PYCR3: variants seen among roughly 807,000 people sequenced by gnomAD.
The protein encoded by PYCR3 is pyrroline-5-carboxylate reductase 3.
Under a neutral mutation model 23.4 loss-of-function variants are expected in PYCR3, and 26 were observed. The observed-to-expected ratio is 1.11, with a 90% CI of 0.81 to 1.54. PYCR3 has a LOEUF of 1.54. PYCR3 is among the 40% of genes most tolerant of loss of function. The pLI is 0.00. For synonymous variants in PYCR3, 194 were observed against 162.6 expected, an observed-to-expected ratio of 1.19 and a Z score of -1.47; for missense variants, 360 against 376.3, an observed-to-expected ratio of 0.96 and a Z score of 0.36.
Position 143,608,096 on chromosome 8 carries a change from C to G in PYCR3, c.122G>C (p.Ser41Thr). ...ACATAGGTTCCTGTCTGTTGGTGCA[C>G]TGGCCAGTATGTGCTGAGCTTCCAC... is the stretch of plus-strand genomic sequence containing the variant. The part of the protein sequence containing the change: ...GKVEAQHILA[S>T]APTDRNLCHF... The change falls in exon 2 of 6, where the codon AGT becomes ACT. Residue 41 changes from serine to threonine, a missense_variant. By Grantham distance (58) the Ser-to-Thr change is moderately conservative (BLOSUM62 1). Coordinates refer to ENST00000495276, the MANE Select transcript of PYCR3 (RefSeq NM_023078.6). 1 of 1,613,896 alleles carries G rather than the reference C, an allele frequency of 6.2e-7. No individual in the cohort carries two copies.
intron 2 of PYCR3, 63 bp downstream of exon 2, chr8:143,607,999 G>T: frequency 1.6e-6 from 2 of 1,255,902 alleles, no homozygotes; most frequent in South Asian, 1.2e-5. Context: ...TGTCTTAGTG[G>T]GACAGGAGCC....
chr8:143,605,016 C>T lies in PYCR3; in HGVS notation c.*684G>A. On this transcript the variant is annotated 3_prime_UTR_variant, in exon 6 of 6. Transcript: ENST00000495276. Reference sequence around the variant, plus strand: ...CACCCTCCCAGACCTCAAGCCACCCCACCTACCACTGCCCACCTGGTGCCA... The same window carrying T: ...CACCCTCCCAGACCTCAAGCCACCCTACCTACCACTGCCCACCTGGTGCCA... 2.2e-6 allele frequency: 1 copy of T among 456,016 alleles called. No individual in the cohort carries two copies. Among genetic ancestry groups the T allele is most frequent in the Middle Eastern group, 3.3e-4 (1 of 3,026 alleles). 28.2% of individuals were successfully genotyped at this position (456,016 alleles called of 1,614,324 possible). A position where few individuals can be genotyped will look rare whatever the true frequency, so the allele number is the denominator to read the frequency against.
chr8:143,606,856 C>G (rs544021454), intron 3 of PYCR3, 97 bp downstream of exon 3: 40 of 1,417,700 alleles, frequency 2.8e-5, no homozygotes, highest in Non-Finnish European at 3.4e-5. Context: ...GTGGGCCACA[C>G]GGCCACCTCT....
chr8:143,605,081 C>A lies in PYCR3; in HGVS notation c.*619G>T, dbSNP rs750747131. 7 of 382,862 alleles carry A rather than the reference C, an allele frequency of 1.8e-5. No homozygotes were observed. Among genetic ancestry groups the A allele is most frequent in the African/African-American group, 4.2e-5 (2 of 47,374 alleles). The allele number at this position is 382,862 out of a possible 1,614,324, so 23.7% of individuals were successfully genotyped here. On this transcript the variant is annotated 3_prime_UTR_variant, in exon 6 of 6. Coordinates refer to ENST00000495276, the MANE Select transcript of PYCR3 (RefSeq NM_023078.6). Reference sequence around the variant, plus strand: ...CAGACCTGGCCCAGCAGCTCCTGCTCCTTAGCAGGGGATGAGCACGCCCAC... The same window carrying A: ...CAGACCTGGCCCAGCAGCTCCTGCTACTTAGCAGGGGATGAGCACGCCCAC...
chr8:143,609,431 C>T (rs766271838), intron 1 of PYCR3, 27 bp downstream of exon 1: 2 of 1,485,758 alleles, frequency 1.3e-6, no homozygotes, highest in Middle Eastern at 2.3e-4. Flanking sequence ...CACTCCAGAC[C>T]GCAGGCCTAG....
chr8:143,606,557 C>T lies in PYCR3; in HGVS notation c.459G>A (p.Gln153=), dbSNP rs1235244951. ...HVGSSETKLL[Q]HLLEACGRCE... The stretch of plus-strand genomic sequence containing the variant: ...ACCGCCCACAGGCCTCCAGCAGATG[C>T]TGCAGGAGCTTGGTCTCGCTGCTCC... The change falls in exon 4 of 6, where the codon CAG becomes CAA. Residue 153 remains glutamine (Q), a synonymous_variant. Coordinates refer to ENST00000495276, the MANE Select transcript of PYCR3 (RefSeq NM_023078.6). The T allele has an allele frequency of 1.2e-6, 2 of 1,612,840 alleles. No homozygotes were observed. The highest frequency in any genetic ancestry group is 2.7e-5 in the African/African-American group (2 of 74,930).
intron 1 of PYCR3, 137 bp downstream of exon 1, chr8:143,609,321 G>A (rs1409263879): frequency 4.0e-6 from 4 of 1,004,828 alleles, no homozygotes; most frequent in Non-Finnish European, 5.4e-6. Context: ...GAGCAAACAG[G>A]CGTGGCCCCG....
At chr8:143,609,339 C>T (rs1266912309) in intron 1 of PYCR3, 119 bp downstream of exon 1, 4 of 1,193,468 alleles carry the variant, frequency 3.4e-6, no homozygotes, top group Admixed American at 3.7e-5. Flanking sequence ...CCGGCTGCGC[C>T]CAGCGGAGCG....
chr8:143,609,556 C>T lies in PYCR3; in HGVS notation c.-8G>A. ...CGGCTCCGCAGCTGCCATCTTGTTG[C>T]CTCGGACGCCGCTGCGCTCACCGCC... On this transcript the variant is annotated 5_prime_UTR_variant, in exon 1 of 6. Transcript: ENST00000495276. 1.3e-6 allele frequency: 2 copies of T among 1,500,444 alleles called. No individual in the cohort carries two copies. Among genetic ancestry groups the T allele is most frequent in the Non-Finnish European group, 1.8e-6 (2 of 1,132,454 alleles). 92.9% of individuals were successfully genotyped at this position (1,500,444 alleles called of 1,614,324 possible). A position where few individuals can be genotyped will look rare whatever the true frequency, so the allele number is the denominator to read the frequency against.
intron 1 of PYCR3, among the ~76,000 whole-genome samples, chr8:143,609,229 C>T (rs1330605443): frequency 6.6e-6 from 1 of 152,268 alleles, no homozygotes; most frequent in African/African-American, 2.4e-5. Flanking sequence ...TGGCCAAGGC[C>T]ACGCGGCCAG....
In PYCR3 at chr8:143,605,880, C is replaced by A. The variant is rs369663568; in HGVS notation, c.645G>T (p.Gly215=). ...CCTCGTGCAGCAGCATCTTGGCCGT[C>A]CCCTGAGGAGAGCGTTAGGGCCTGG... ...AHRIAAQTLL[G]TAKMLLHEGQ... The change falls in exon 6 of 6, where the codon GGG becomes GGT. Residue 215 remains glycine (G), a splice_region_variant and synonymous_variant. Coordinates refer to ENST00000495276, the MANE Select transcript of PYCR3 (RefSeq NM_023078.6). 3.1e-6 allele frequency: 5 copies of A among 1,604,782 alleles called. No individual in the cohort carries two copies. In the South Asian group the frequency reaches 4.4e-5, roughly 14 times the overall value.
intron 4 of PYCR3, 152 bp from the exon 5 acceptor site, chr8:143,606,306 A>G: frequency 9.1e-7 from 1 of 1,102,366 alleles, no homozygotes. Flanking sequence ...AAAGATCCCC[A>G]AGGCAGTGAA....
intron 3 of PYCR3, 35 bp from the exon 4 acceptor site, chr8:143,606,714 AG>A (rs1156303131): frequency 6.4e-7 from 1 of 1,551,080 alleles, no homozygotes; most frequent in South Asian, 1.2e-5. Flanking sequence ...GGGAGTCTGT[AG>A]GACTGGGCCC....
intron 1 of PYCR3, 106 bp from the exon 2 acceptor site, chr8:143,608,232 C>T (rs117427411): frequency 0.02 from 16,607 of 847,948 alleles, 270 homozygotes; most frequent in Non-Finnish European, 0.022. Context: ...ACGCCTGGCC[C>T]ATCCTGGGCC....
rs1829335555 is a variant in PYCR3, at chr8:143,604,497, TG to T, written c.*1202del. ...TTAGCCCTGTTTTGCACTGGTGGAT[TG>T]ATCTGCTCAGGCGCACAGGGAGATG... On this transcript the variant is annotated 3_prime_UTR_variant, in exon 6 of 6. Transcript: ENST00000495276. 1 of 248,294 alleles carries T rather than the reference TG, an allele frequency of 4.0e-6. No individual in the cohort carries two copies. The highest frequency in any genetic ancestry group is 2.3e-5 in the African/African-American group (1 of 42,766). 15.4% of individuals were successfully genotyped at this position (248,294 alleles called of 1,614,324 possible).
Position 143,609,503 on chromosome 8 carries a change from C to G in PYCR3, c.46G>C (p.Ala16Pro). The change falls in exon 1 of 6, where the codon GCG becomes CCG. Residue 16 changes from alanine to proline, a missense_variant. By Grantham distance (27) the Ala-to-Pro change is conservative. Coordinates refer to ENST00000495276, the MANE Select transcript of PYCR3 (RefSeq NM_023078.6). ...PSPRRVGFVG[A>P]GRMAGAIAQG... ...GCGATGGCCCCCGCCATGCGGCCCG[C>G]GCCCACGAAGCCCACGCGCCGCGGA... is the stretch of plus-strand genomic sequence containing the variant. The G allele has an allele frequency of 3.3e-6, 5 of 1,516,704 alleles. No homozygotes were observed. Among genetic ancestry groups the G allele is most frequent in the Non-Finnish European group, 4.4e-6 (5 of 1,140,210 alleles). The allele number at this position is 1,516,704 out of a possible 1,614,324, so 94.0% of individuals were successfully genotyped here. A position where few individuals can be genotyped will look rare whatever the true frequency, so the allele number is the denominator to read the frequency against.
rs985529070 is a variant in PYCR3 at position 143,606,475 on chromosome 8, C to T, written c.541G>A (p.Val181Met). 6.2e-6 allele frequency: 10 copies of T among 1,612,554 alleles called. No individual in the cohort carries two copies. The highest frequency in any genetic ancestry group is 1.7e-4 in the Middle Eastern group (1 of 5,942). ...GACGAGGCAATACTCACGAAGGCCA[C>T]GCCACTGCCACTGAGGCCAGTGTGG... is the stretch of plus-strand genomic sequence containing the variant. ...DIHTGLSGSG[V>M]AFVCAFSEAL... Residue 181 changes from valine to methionine, a missense_variant, in exon 4 of 6, where the codon GTG becomes ATG. Physicochemically the swap from Val to Met is conservative, Grantham distance 21. Transcript: ENST00000495276.
rs914316516 is a variant in PYCR3, at chr8:143,606,094, G to A, written c.610C>T (p.Leu204=). The A allele has an allele frequency of 6.2e-7, 1 of 1,610,780 alleles. No homozygotes were observed. The highest frequency in any genetic ancestry group is 1.3e-5 in the African/African-American group (1 of 74,900). ...GAVKMGMPSS[L]AHRIAAQTLL... ...GTCTGGGCAGCGATGCGGTGGGCCA[G>A]GCTGCTGGGCATGCCCATCTTGACG... The change falls in exon 5 of 6, where the codon CTG becomes TTG. Residue 204 remains leucine, a synonymous_variant. Transcript: ENST00000495276.
rs896962 is a variant in PYCR3, at chr8:143,604,922, T to C, written c.*778A>G. ...TGGCCACTTGTCAGGAGCTTAGGAT[T>C]GGGAGGAAAGAGGGAGCCTGTATCC... is the stretch of plus-strand genomic sequence containing the variant. On this transcript the variant is annotated 3_prime_UTR_variant, in exon 6 of 6. Transcript: ENST00000495276. 0.2 allele frequency: 101,407 copies of C among 509,758 alleles called. 11,228 individuals are homozygous for C. Among genetic ancestry groups the C allele is most frequent in the East Asian group, 0.37 (6,592 of 18,000 alleles). 31.6% of individuals were successfully genotyped at this position (509,758 alleles called of 1,614,324 possible). A position where few individuals can be genotyped will look rare whatever the true frequency, so the allele number is the denominator to read the frequency against.
Sources: gnomAD v4.1 joint callset for allele counts (sites outside exome capture counted in the v4.1 genomes callset) on GRCh38, gnomAD v4.1.1 for gene constraint, MANE v1.5 for transcripts, NCBI Gene and HGNC (gene_info 2026-07-23, HGNC 2026-07-21) for gene names.